The following COL4A2 variants were observed in gnomAD, a reference collection of about 807,000 sequenced individuals.
COL4A2 encodes the protein collagen type IV alpha 2 chain.
A neutral mutation model predicts 200.2 loss-of-function variants in COL4A2; 99 were observed. The observed-to-expected ratio is 0.49, with a 90% CI of 0.42 to 0.58. The LOEUF (loss-of-function observed/expected upper bound fraction) is 0.58, where lower values mean the gene tolerates loss of function less well. COL4A2 is among the 20% of genes least tolerant of loss of function. COL4A2 has a pLI of 0.00. For missense variants in COL4A2, 1,950 were observed against 2,314.1 expected (o/e 0.84, Z 3.23); for synonymous variants, 897 against 900.6 (o/e 1.00, Z 0.07).
In COL4A2 at chr13:110,508,782, C is replaced by T. The variant is rs1023162465; in HGVS notation, c.4881+561C>T. Among the ~76,000 whole-genome samples, 13 of 152,160 alleles carry T rather than the reference C, an allele frequency of 8.5e-5. No individual in the cohort carries two copies. Among genetic ancestry groups the T allele is most frequent in the African/African-American group, 3.1e-4 (13 of 41,444 alleles). On this transcript the variant is annotated intron_variant, in intron 47 of 47. Coordinates refer to ENST00000360467, the MANE Select transcript of COL4A2 (RefSeq NM_001846.4). The surrounding 1 kb of genome is among the most constrained non-coding windows in gnomAD (Gnocchi z 6.1). ...CCTGGGAAGGCACCGCCCACCCTTC[C>T]GGATCGCCTTTGGGTATAAAATAGA...
intron 3 of COL4A2, 147 bp from the exon 4 acceptor site, chr13:110,357,325 A>C (rs1877320850): frequency 8.0e-7 from 1 of 1,247,018 alleles, no homozygotes; most frequent in Non-Finnish European, 1.1e-6. Flanking sequence ...TCTAAAAATT[A>C]GTCTATTTTT....
At chr13:110,347,355 A>C (rs1354733491) in intron 3 of COL4A2, among the ~76,000 whole-genome samples, 1 of 152,196 alleles carries the variant, frequency 6.6e-6, no homozygotes, top group Non-Finnish European at 1.5e-5. Flanking sequence ...GCTGAGTTAC[A>C]TCACCAAACC....
At chr13:110,458,166 A>G (rs1310616008) in intron 21 of COL4A2, 1 of 468,582 alleles carries the variant, frequency 2.1e-6, no homozygotes, top group East Asian at 7.0e-5. Flanking sequence ...ATGACCTGAG[A>G]GCAGGCACCG....
Position 110,507,988 on chromosome 13 carries a change from A to G in COL4A2, c.4648A>G (p.Asn1550Asp), listed in dbSNP as rs1486671980. Residue 1550 changes from asparagine (N) to aspartate (D), a missense_variant, in exon 47 of 48, where the codon AAC (asparagine) becomes GAC (aspartate). Transcript: ENST00000360467. ...RFSTMPFLYC[N>D]PGDVCYYASR... ...CAGCACCATGCCCTTCCTGTACTGC[A>G]ACCCTGGTGATGTCTGCTACTATGC... 7 of 1,614,156 alleles carry G rather than the reference A, an allele frequency of 4.3e-6. No homozygotes were observed. The highest frequency in any genetic ancestry group is 5.9e-6 in the Non-Finnish European group (7 of 1,180,030).
In COL4A2 at chr13:110,511,911, G is replaced by T. The variant is rs80085150; in HGVS notation, c.4882-23G>T. On this transcript the variant is annotated intron_variant, in intron 47 of 47. Coordinates refer to ENST00000360467, the MANE Select transcript of COL4A2 (RefSeq NM_001846.4). Reference sequence around the variant, plus strand: ...CCTGCAGGCTGTGATTCCTAACCCTGTCCTGCCCCCCTCTCTGTGCAGCAC... The same window carrying T: ...CCTGCAGGCTGTGATTCCTAACCCTTTCCTGCCCCCCTCTCTGTGCAGCAC... 24,449 of 1,613,058 alleles carry T rather than the reference G, an allele frequency of 0.015. 220 individuals carry two copies. Among genetic ancestry groups the T allele is most frequent in the Middle Eastern group, 0.02 (113 of 5,720 alleles).
At chr13:110,407,291 G>T (rs538110372) in intron 4 of COL4A2, among the ~76,000 whole-genome samples, 1 of 152,330 alleles carries the variant, frequency 6.6e-6, no homozygotes, top group Non-Finnish European at 1.5e-5. Flanking sequence ...AGAAGTGAGC[G>T]AGGAGGAATG....
chr13:110,312,028 G>A (rs187140326), intron 3 of COL4A2, among the ~76,000 whole-genome samples: 8 of 152,352 alleles, frequency 5.3e-5, no homozygotes, highest in Admixed American at 2.0e-4. Flanking sequence ...CATGCCGCAC[G>A]AGGCCCAGAG....
At chr13:110,499,653 G>T (rs961467218) in intron 40 of COL4A2, among the ~76,000 whole-genome samples, 5 of 152,206 alleles carry the variant, frequency 3.3e-5, no homozygotes, top group African/African-American at 1.2e-4. Flanking sequence ...TGCAACATGG[G>T]CCTTCACGGA....
At chr13:110,415,766 C>A (rs557375558) in intron 4 of COL4A2, among the ~76,000 whole-genome samples, 5 of 152,228 alleles carry the variant, frequency 3.3e-5, no homozygotes. Context: ...ACCGGGAGCC[C>A]GCCTTTGGAA....
Position 110,307,459 on chromosome 13 carries a change from G to A in COL4A2, c.-114G>A. ...CCCAGCAAGGCCGGCCGCCCTGCCG[G>A]TGTGCCGCCGGCGGGTGCTTCTGGA... On this transcript the variant is annotated 5_prime_UTR_variant, in exon 1 of 48. In the 5' UTR this introduces an upstream ATG that the reference lacks. Transcript: ENST00000360467. The surrounding 1 kb of genome is among the most constrained non-coding windows in gnomAD (Gnocchi z 5.0). The A allele has an allele frequency of 4.9e-6, 1 of 205,662 alleles. No individual in the cohort carries two copies. 12.7% of individuals were successfully genotyped at this position (205,662 alleles called of 1,614,324 possible). A position where few individuals can be genotyped will look rare whatever the true frequency, so the allele number is the denominator to read the frequency against.
intron 4 of COL4A2, among the ~76,000 whole-genome samples, chr13:110,384,638 C>G (rs1330372656): frequency 2.0e-5 from 3 of 152,214 alleles, no homozygotes; most frequent in Admixed American, 6.5e-5. Context: ...GTCTCCTGCT[C>G]ATGCTCAAAG....
chr13:110,430,290 C>G, intron 8 of COL4A2, 111 bp from the exon 9 acceptor site: 2 of 1,385,610 alleles, frequency 1.4e-6, no homozygotes, highest in South Asian at 3.0e-5. Context: ...TTACTAGGTC[C>G]TGATAGGGCT....
intron 45 of COL4A2, among the ~76,000 whole-genome samples, chr13:110,505,142 A>C (rs987732701): frequency 2.0e-5 from 3 of 151,434 alleles, no homozygotes; most frequent in South Asian, 4.2e-4. Context: ...CAAGGGCAGG[A>C]GATCGAGACC....
At chr13:110,483,133 A>AGG (rs1882992694) in intron 32 of COL4A2, among the ~76,000 whole-genome samples, 1 of 152,174 alleles carries the variant, frequency 6.6e-6, no homozygotes, top group Non-Finnish European at 1.5e-5. Context: ...AGGCATCTCA[A>AGG]GACCCCCCAC....
intron 4 of COL4A2, among the ~76,000 whole-genome samples, chr13:110,393,469 T>C (rs985514972): frequency 1.1e-4 from 17 of 152,220 alleles, no homozygotes; most frequent in Non-Finnish European, 1.5e-5. Context: ...GAAATGTATT[T>C]CAATTCTTTG....
chr13:110,425,067 A>G (rs1280011583), intron 6 of COL4A2, 70 bp downstream of exon 6: 2 of 1,591,432 alleles, frequency 1.3e-6, no homozygotes, highest in East Asian at 2.2e-5. Context: ...TGTGACTTAA[A>G]GAAACATTTT....
chr13:110,425,207 A>G (rs1880427475), intron 6 of COL4A2, among the ~76,000 whole-genome samples: 1 of 152,222 alleles, frequency 6.6e-6, no homozygotes. Flanking sequence ...ACTTGGCTTC[A>G]GAATTGAGAC....
In COL4A2 at chr13:110,485,645, C is replaced by T; in HGVS notation, c.3026-10C>T. ...TCACCAGAGTGTTACACACCAGGGTCTTCCTGCAGGTATCCAAGGAATGCC... is the reference window on the plus strand; with the variant it reads ...TCACCAGAGTGTTACACACCAGGGTTTTCCTGCAGGTATCCAAGGAATGCC... On this transcript the variant is annotated splice_polypyrimidine_tract_variant and intron_variant, in intron 33 of 47. Coordinates refer to ENST00000360467, the MANE Select transcript of COL4A2 (RefSeq NM_001846.4). 6.3e-7 allele frequency: 1 copy of T among 1,590,012 alleles called. No homozygotes were observed. The highest frequency in any genetic ancestry group is 1.1e-5 in the South Asian group (1 of 88,554).
chr13:110,367,822 A>G (rs1877819653), intron 4 of COL4A2, among the ~76,000 whole-genome samples: 1 of 152,228 alleles, frequency 6.6e-6, no homozygotes, highest in Non-Finnish European at 1.5e-5. Flanking sequence ...GAAGTGGCAG[A>G]TCTTATACCC....
Sources: gnomAD v4.1 joint callset for allele counts (sites outside exome capture counted in the v4.1 genomes callset) on GRCh38, gnomAD v4.1.1 for gene constraint, Gnocchi (gnomAD v3.1) non-coding constraint, MANE v1.5 for transcripts, NCBI Gene and HGNC (gene_info 2026-07-23, HGNC 2026-07-21) for gene names.